Variants in VWC2L observed in about 807,000 individuals in gnomAD.
The protein encoded by VWC2L is von Willebrand factor C domain containing 2 like, also known as von Willebrand factor C domain-containing protein 2-like.
VWC2L carries 10 observed loss-of-function variants against 21.6 expected under a neutral mutation model. The observed-to-expected ratio is 0.46, with a 90% CI of 0.29 to 0.78. VWC2L has a LOEUF of 0.78. Ranked by LOEUF, VWC2L falls within the 30% of genes least tolerant of loss-of-function variation. VWC2L has a pLI of 0.10. For missense variants in VWC2L, 209 were observed against 277.1 expected, an observed-to-expected ratio of 0.75 and a Z score of 1.74; for synonymous variants, 96 against 94.3, an observed-to-expected ratio of 1.02 and a Z score of -0.10.
At chr2:214,556,983 G>T (rs1202836703) in intron 3 of VWC2L, among the ~76,000 whole-genome samples, 2 of 152,170 alleles carry the variant, frequency 1.3e-5, no homozygotes, top group African/African-American at 4.8e-5. Flanking sequence ...CAACCCTACA[G>T]GGGCAGGGAG....
At chr2:214,543,025 G>C in intron 3 of VWC2L, among the ~76,000 whole-genome samples, 1 of 152,248 alleles carries the variant, frequency 6.6e-6, no homozygotes, top group East Asian at 1.9e-4. Flanking sequence ...CCTGCTCATA[G>C]AATTACTCAC....
intron 3 of VWC2L, among the ~76,000 whole-genome samples, chr2:214,565,400 G>A (rs1432629328): frequency 5.3e-5 from 8 of 152,022 alleles, no homozygotes; most frequent in Admixed American, 3.9e-4. Flanking sequence ...AGCAATCACA[G>A]CAAACCATTT....
chr2:214,493,473 C>G (rs974951769), intron 3 of VWC2L, among the ~76,000 whole-genome samples: 1 of 152,176 alleles, frequency 6.6e-6, no homozygotes, highest in African/African-American at 2.4e-5. Context: ...GTCCCTTTGT[C>G]CTTCCATCCT....
At chr2:214,444,319 CTCTA>C (rs1702806081) in intron 3 of VWC2L, among the ~76,000 whole-genome samples, 2 of 151,950 alleles carry the variant, frequency 1.3e-5, no homozygotes, top group Non-Finnish European at 2.9e-5. Context: ...AGATCAATGA[CTCTA>C]TCTTTAAAAT....
At chr2:214,547,714 T>C (rs960001062) in intron 3 of VWC2L, among the ~76,000 whole-genome samples, 29 of 152,190 alleles carry the variant, frequency 1.9e-4, no homozygotes, top group African/African-American at 6.0e-4. Flanking sequence ...TGCAATGTAA[T>C]AGACACATGA....
chr2:214,492,409 T>C lies in VWC2L; in HGVS notation c.520+55651T>C, dbSNP rs111889931. On this transcript the variant is annotated intron_variant, in intron 3 of 3. Coordinates refer to ENST00000312504, the MANE Select transcript of VWC2L (RefSeq NM_001080500.4). ...TGAGACAAGCACCTTGTGACATTTG[T>C]TTGGCAGAGCAGCTGAGGAGCTGTC... 5.3e-5 allele frequency among the ~76,000 whole-genome samples: 8 copies of C among 152,346 alleles called. 2 individuals are homozygous for C. The highest frequency in any genetic ancestry group is 1.9e-4 in the African/African-American group (8 of 41,588).
chr2:214,563,452 C>T (rs1690008355), intron 3 of VWC2L, among the ~76,000 whole-genome samples: 1 of 147,634 alleles, frequency 6.8e-6, no homozygotes, highest in African/African-American at 2.5e-5. Context: ...GAGGCTGAGG[C>T]AGGAGAATGG....
At chr2:214,496,256 C>T (rs1337376445) in intron 3 of VWC2L, among the ~76,000 whole-genome samples, 1 of 95,184 alleles carries the variant, frequency 1.1e-5, no homozygotes, top group East Asian at 3.1e-4. Context: ...TATGGGACAA[C>T]TCTCATATAA....
intron 3 of VWC2L, among the ~76,000 whole-genome samples, chr2:214,575,034 TAAAAAAAAAAA>T (rs3046806): frequency 8.4e-6 from 1 of 118,458 alleles, no homozygotes; most frequent in Non-Finnish European, 1.8e-5. Context: ...GGTCATTCTT[TAAAAAAAAAAA>T]AAAAAAAAAA....
chr2:214,431,529 T>G (rs1451360428), intron 2 of VWC2L, among the ~76,000 whole-genome samples: 2 of 152,176 alleles, frequency 1.3e-5, no homozygotes, highest in African/African-American at 4.8e-5. Context: ...ACTTGGCTCT[T>G]AGAATATATC....
At chr2:214,481,878 G>A (rs981993256) in intron 3 of VWC2L, among the ~76,000 whole-genome samples, 1 of 152,300 alleles carries the variant, frequency 6.6e-6, no homozygotes, top group Admixed American at 6.5e-5. Context: ...CATTTAAGAT[G>A]CCACTTCCCA....
chr2:214,452,112 G>C (rs147232132), intron 3 of VWC2L, among the ~76,000 whole-genome samples: 2 of 152,176 alleles, frequency 1.3e-5, no homozygotes, highest in East Asian at 3.9e-4. Flanking sequence ...TGTATGCATG[G>C]AATCATTCAG....
chr2:214,571,694 T>C (rs1157675584), intron 3 of VWC2L, among the ~76,000 whole-genome samples: 1 of 152,202 alleles, frequency 6.6e-6, no homozygotes, highest in African/African-American at 2.4e-5. Context: ...ACTTAAACCA[T>C]ACCTGACAGA....
chr2:214,480,221 T>G (rs1688583546), intron 3 of VWC2L, among the ~76,000 whole-genome samples: 1 of 152,196 alleles, frequency 6.6e-6, no homozygotes, highest in Non-Finnish European at 1.5e-5. Context: ...AATGAATTTT[T>G]AAAAAATTCT....
At chr2:214,521,866 ATAGG>A (rs1216323982) in intron 3 of VWC2L, among the ~76,000 whole-genome samples, 3 of 152,232 alleles carry the variant, frequency 2.0e-5, no homozygotes, top group Admixed American at 6.5e-5. Context: ...CATTAGGGAG[ATAGG>A]TAGGCAAAGT....
chr2:214,495,173 C>T (rs527539530), intron 3 of VWC2L, among the ~76,000 whole-genome samples: 1 of 152,240 alleles, frequency 6.6e-6, no homozygotes, highest in African/African-American at 2.4e-5. Flanking sequence ...ATACTCTCTC[C>T]TCCCACTGTA....
chr2:214,566,832 T>G (rs1559333482), intron 3 of VWC2L, among the ~76,000 whole-genome samples: 2 of 152,194 alleles, frequency 1.3e-5, no homozygotes, highest in Non-Finnish European at 2.9e-5. Flanking sequence ...AATATTTTAA[T>G]AGATGAAAAT....
chr2:214,419,694 C>G (rs1702406820), intron 2 of VWC2L, among the ~76,000 whole-genome samples: 1 of 152,140 alleles, frequency 6.6e-6, no homozygotes, highest in African/African-American at 2.4e-5. Context: ...GACAGTGGAC[C>G]AGGTCTCTGA....
At chr2:214,549,150 G>A (rs1367066604) in intron 3 of VWC2L, among the ~76,000 whole-genome samples, 7 of 152,150 alleles carry the variant, frequency 4.6e-5, no homozygotes, top group African/African-American at 1.4e-4. Context: ...ATCCACCTGC[G>A]CTCCTCTTAT....
Sources: gnomAD v4.1 joint callset for allele counts (sites outside exome capture counted in the v4.1 genomes callset) on GRCh38, gnomAD v4.1.1 for gene constraint, MANE v1.5 for transcripts, NCBI Gene and HGNC (gene_info 2026-07-23, HGNC 2026-07-21) for gene names.